MAP4: variants seen among roughly 807,000 people sequenced by gnomAD.
The protein encoded by MAP4 is microtubule associated protein 4, also known as microtubule-associated protein 4.
Under a neutral mutation model 170.2 loss-of-function variants are expected in MAP4, and 76 were observed. The observed-to-expected ratio is 0.45, with a 90% CI of 0.37 to 0.54. MAP4 has a LOEUF of 0.54. Ranked by LOEUF, MAP4 falls within the 20% of genes least tolerant of loss-of-function variation. The pLI is 0.00. For synonymous variants in MAP4, 909 were observed against 994.5 expected, an observed-to-expected ratio of 0.91 and a Z score of 1.62; for missense variants, 2,506 against 2,748.0, an observed-to-expected ratio of 0.91 and a Z score of 1.97.
intron 17 of MAP4, among the ~76,000 whole-genome samples, chr3:47,862,274 G>A (rs969879530): frequency 7.4e-6 from 1 of 135,064 alleles, no homozygotes; most frequent in Non-Finnish European, 1.5e-5. Flanking sequence ...AAATGTTAAA[G>A]CTATTTATAC....
intron 2 of MAP4, among the ~76,000 whole-genome samples, chr3:47,980,999 G>T (rs2100085112): frequency 6.6e-6 from 1 of 152,106 alleles, no homozygotes; most frequent in South Asian, 2.1e-4. Flanking sequence ...ATGTAAATAG[G>T]AATAACCTTT....
intron 1 of MAP4, among the ~76,000 whole-genome samples, chr3:48,077,107 A>G (rs2100144337): frequency 6.6e-6 from 1 of 151,960 alleles, no homozygotes; most frequent in Non-Finnish European, 1.5e-5. Context: ...TGATCGCATC[A>G]CTGCACTCTA....
intron 10 of MAP4, among the ~76,000 whole-genome samples, chr3:47,879,567 G>A (rs553547242): frequency 2.0e-5 from 3 of 152,132 alleles, no homozygotes; most frequent in Non-Finnish European, 4.4e-5. Context: ...AAGAAACAGA[G>A]ACAACCCACA....
chr3:47,956,657 T>A (rs979699023), intron 3 of MAP4, among the ~76,000 whole-genome samples: 2 of 152,242 alleles, frequency 1.3e-5, no homozygotes, highest in Non-Finnish European at 2.9e-5. Context: ...AGGCACAGAC[T>A]GTGAAGATAT....
At chr3:48,057,333 CAT>C in intron 1 of MAP4, among the ~76,000 whole-genome samples, 1 of 135,876 alleles carries the variant, frequency 7.4e-6, no homozygotes, top group Non-Finnish European at 1.6e-5. Flanking sequence ...CTCTCTGAAA[CAT>C]GTGCTGTGTC....
At position 47,909,230 on chromosome 3, in the gene MAP4, A is replaced by G. The variant is rs1432856726; in HGVS notation, c.5191T>C (p.Leu1731=). The G allele has an allele frequency of 6.2e-7, 1 of 1,613,744 alleles. No individual in the cohort carries two copies. Among genetic ancestry groups the G allele is most frequent in the Non-Finnish European group, 8.5e-7 (1 of 1,179,858 alleles). Residue 1731 remains leucine (L), a synonymous_variant, in exon 9 of 21, where the codon TTG becomes CTG. Transcript: ENST00000683076. The part of the protein sequence containing the change: ...VRLPEPKDKI[L]ETPQKMTEKS... ...TCTGTCATTTTCTGAGGTGTCTCCA[A>G]AATCTTATCTTTGGGTTCTGGGAGT...
At chr3:47,926,915 A>G (rs2100046332) in intron 4 of MAP4, among the ~76,000 whole-genome samples, 1 of 152,146 alleles carries the variant, frequency 6.6e-6, no homozygotes, top group South Asian at 2.1e-4. Flanking sequence ...CTGTAATCCC[A>G]GCACTTTGGG....
In MAP4 at chr3:47,851,368, G is replaced by A. The variant is rs1195503560; in HGVS notation, c.*1566C>T. 1 of 152,222 alleles carries A rather than the reference G, an allele frequency of 6.6e-6. No homozygotes were observed. Among genetic ancestry groups the A allele is most frequent in the Non-Finnish European group, 1.5e-5 (1 of 68,050 alleles). 9.4% of individuals were successfully genotyped at this position (152,222 alleles called of 1,614,324 possible). On this transcript the variant is annotated 3_prime_UTR_variant, in exon 21 of 21. Coordinates refer to ENST00000683076, the MANE Select transcript of MAP4 (RefSeq NM_001385682.1). ...GGCCCAGGACAGCCTCCCTGCACAT[G>A]GAGATCAAATCTAAACTTAGGTCAA...
chr3:47,952,014 ATG>A (rs1330502001), intron 3 of MAP4, among the ~76,000 whole-genome samples: 1 of 142,764 alleles, frequency 7.0e-6, no homozygotes, highest in East Asian at 2.2e-4. Context: ...CCCGTCTGGG[ATG>A]TGAGGAGCGC....
At chr3:47,919,496 G>A (rs1008956703) in intron 5 of MAP4, among the ~76,000 whole-genome samples, 3 of 151,072 alleles carry the variant, frequency 2.0e-5, no homozygotes, top group African/African-American at 7.3e-5. Flanking sequence ...TTTTAATAGA[G>A]ATGGGGTGTC....
rs535174502 is a variant in MAP4 at position 48,079,949 on chromosome 3, CAA to C, written c.-20+8822_-20+8823del. ...TGGGCAAAAGAGTGAGACTCCGTCTCAAAAAAAAAAAAAAATCTATAAATAAA... is the reference window on the plus strand; with the variant it reads ...TGGGCAAAAGAGTGAGACTCCGTCTCAAAAAAAAAAAAATCTATAAATAAA... On this transcript the variant is annotated intron_variant, in intron 1 of 18. Transcript: ENST00000360240. Among the ~76,000 whole-genome samples the C allele has an allele frequency of 5.6e-3, 617 of 110,782 alleles. 5 individuals carry two copies. Among genetic ancestry groups the C allele is most frequent in the African/African-American group, 0.017 (576 of 33,892 alleles). 72.7% of individuals were successfully genotyped at this position (110,782 alleles called of 152,430 possible).
At chr3:47,960,688 T>C (rs2100071029) in intron 3 of MAP4, 1 of 160,770 alleles carries the variant, frequency 6.2e-6, no homozygotes, top group Non-Finnish European at 1.4e-5. Context: ...TTACCAAGTC[T>C]GTCAGTCTTC....
intron 2 of MAP4, among the ~76,000 whole-genome samples, chr3:47,998,087 T>C (rs1042068297): frequency 2.6e-5 from 4 of 152,320 alleles, no homozygotes; most frequent in African/African-American, 9.6e-5. Flanking sequence ...TTTTATGAAG[T>C]CGGCGTGACC....
In MAP4 at chr3:47,917,266, G is replaced by A. The variant is rs71323372; in HGVS notation, c.653-92C>T. The A allele has an allele frequency of 5.5e-3, 5,597 of 1,018,198 alleles. 33 individuals carry two copies. The highest frequency in any genetic ancestry group is 6.6e-3 in the Non-Finnish European group (4,450 of 677,068). 63.1% of individuals were successfully genotyped at this position (1,018,198 alleles called of 1,614,324 possible). A position where few individuals can be genotyped will look rare whatever the true frequency, so the allele number is the denominator to read the frequency against. ...TCAGGCATGAGAGTATTTGGCTTTT[G>A]TGACCATAAGACTGTACACATAACT... On this transcript the variant is annotated intron_variant, in intron 6 of 20. Coordinates refer to ENST00000683076, the MANE Select transcript of MAP4 (RefSeq NM_001385682.1).
intron 3 of MAP4, among the ~76,000 whole-genome samples, chr3:47,938,425 G>A (rs2100054310): frequency 6.6e-6 from 1 of 152,168 alleles, no homozygotes; most frequent in Non-Finnish European, 1.5e-5. Context: ...TGTCTCCCAG[G>A]TATAGTGGCG....
At chr3:47,901,869 G>C (rs1264792176) in intron 10 of MAP4, among the ~76,000 whole-genome samples, 1 of 152,158 alleles carries the variant, frequency 6.6e-6, no homozygotes, top group East Asian at 1.9e-4. Flanking sequence ...TTTTAAAGTA[G>C]GATATTCAAG....
chr3:47,911,198 A>G lies in MAP4; in HGVS notation c.3223T>C (p.Ser1075Pro). 6.5e-7 allele frequency: 1 copy of G among 1,535,962 alleles called. No homozygotes were observed. Among genetic ancestry groups the G allele is most frequent in the Non-Finnish European group, 8.7e-7 (1 of 1,146,888 alleles). Residue 1075 changes from serine (S) to proline (P), a missense_variant, in exon 9 of 21, where the codon TCT becomes CCT. Coordinates refer to ENST00000683076, the MANE Select transcript of MAP4 (RefSeq NM_001385682.1). The surrounding 1 kb of genome is among the most constrained non-coding windows in gnomAD (Gnocchi z 4.0). ...TCAGATTTTGCTTTTACCTTCCCAG[A>G]ATCTGTTCTCATTTTCCCAGAACTT... is the stretch of plus-strand genomic sequence containing the variant. Reference protein sequence around the residue: ...RGSSGKMRTDSGKVKAKSELP... With the variant: ...RGSSGKMRTDPGKVKAKSELP...
At position 47,892,862 on chromosome 3, in the gene MAP4, A is replaced by C. The variant is rs2100024755; in HGVS notation, c.5434+10088T>G. The C allele has an allele frequency of 5.7e-6, 6 of 1,046,260 alleles. No individual in the cohort carries two copies. In the South Asian group the frequency reaches 1.8e-4, roughly 32 times the overall value. 64.8% of individuals were successfully genotyped at this position (1,046,260 alleles called of 1,614,324 possible). On this transcript the variant is annotated intron_variant, in intron 10 of 20. Coordinates refer to ENST00000683076, the MANE Select transcript of MAP4 (RefSeq NM_001385682.1). ...ATAGTAATTATTTTGGCTTTCACTG[A>C]TATAGATACGTGCATACCCACACAC...
intron 17 of MAP4, among the ~76,000 whole-genome samples, chr3:47,864,228 C>T (rs1364335619): frequency 6.6e-6 from 1 of 152,160 alleles, no homozygotes; most frequent in African/African-American, 2.4e-5. Context: ...GGCCACTGTA[C>T]CTGGCCTTAT....
Sources: allele counts gnomAD v4.1 joint callset (sites outside exome capture counted in the v4.1 genomes callset), GRCh38; gene constraint gnomAD v4.1.1; non-coding constraint Gnocchi (gnomAD v3.1); transcripts MANE v1.5; gene names NCBI Gene and HGNC (gene_info 2026-07-23, HGNC 2026-07-21).